COX18: variants seen among roughly 807,000 people sequenced by gnomAD.
COX18 encodes the protein cytochrome c oxidase assembly protein COX18, mitochondrial.
In COX18, 45 loss-of-function variants were observed where a neutral mutation model predicts 38.0. That is an observed-to-expected ratio of 1.18 (90% CI 0.93 to 1.52). COX18 has a LOEUF of 1.52. Among genes scored for constraint, COX18 ranks in the 40% most tolerant of loss-of-function variants. The probability of loss-of-function intolerance (pLI) is 0.00; values close to 1 mark genes in which losing one functional copy is unlikely to be tolerated. For synonymous variants in COX18, 177 were observed against 169.8 expected, an observed-to-expected ratio of 1.04 and a Z score of -0.33; for missense variants, 462 against 423.8, an observed-to-expected ratio of 1.09 and a Z score of -0.79.
rs949935747 is a variant in COX18 at position 73,069,710 on chromosome 4, A to C, written c.-61T>G. The C allele has an allele frequency of 1.1e-5, 16 of 1,484,848 alleles. No individual in the cohort carries two copies. Among genetic ancestry groups the C allele is most frequent in the Admixed American group, 6.0e-5 (3 of 50,202 alleles). The allele number at this position is 1,484,848 out of a possible 1,614,324, so 92.0% of individuals were successfully genotyped here. On this transcript the variant is annotated 5_prime_UTR_variant, in exon 1 of 6. Coordinates refer to ENST00000507544, the MANE Select transcript of COX18 (RefSeq NM_001297732.2). ...ACAATCCAGCGGACATACACCGGCC[A>C]GCCAAGGCTGATACGCGCACGCGCC...
chr4:73,066,401 GAAGC>G (rs1280386938), intron 2 of COX18, among the ~76,000 whole-genome samples: 2 of 152,156 alleles, frequency 1.3e-5, no homozygotes, highest in African/African-American at 4.8e-5. Flanking sequence ...GAAAATGCAG[GAAGC>G]TGGCCAACAC....
At chr4:73,066,261 A>G (rs544735743) in intron 2 of COX18, among the ~76,000 whole-genome samples, 1 of 152,330 alleles carries the variant, frequency 6.6e-6, no homozygotes, top group Non-Finnish European at 1.5e-5. Context: ...ACTTTAGTTC[A>G]TCCAACAAAT....
rs1373764945 is a variant in COX18 at position 73,069,367 on chromosome 4, C to G, written c.283G>C (p.Gly95Arg). Residue 95 changes from glycine (G) to arginine (R), a missense_variant, in exon 1 of 6, where the codon GGT becomes CGT. Gly to Arg is a moderately radical substitution (Grantham distance 125). Transcript: ENST00000507544. ...SILLSTVALRGAVTLPLAAYQ... is the reference protein window; with the variant it reads ...SILLSTVALRRAVTLPLAAYQ... Reference sequence around the variant, plus strand: ...GCTGCCAAAGGCAGCGTGACAGCACCCCGTAAGGCCACGGTGGAGAGCAGA... The same window carrying G: ...GCTGCCAAAGGCAGCGTGACAGCACGCCGTAAGGCCACGGTGGAGAGCAGA... 3.2e-6 allele frequency: 5 copies of G among 1,557,154 alleles called. No homozygotes were observed. In the South Asian group the frequency reaches 3.5e-5, roughly 11 times the overall value.
At chr4:73,059,767 T>A (rs1354357195) in intron 5 of COX18, among the ~76,000 whole-genome samples, 1 of 152,216 alleles carries the variant, frequency 6.6e-6, no homozygotes, top group Non-Finnish European at 1.5e-5. Flanking sequence ...AAATATTGGC[T>A]ATCATCATTA....
intron 5 of COX18, among the ~76,000 whole-genome samples, chr4:73,059,698 C>T (rs531440194): frequency 1.1e-3 from 169 of 152,244 alleles, no homozygotes; most frequent in Middle Eastern, 0.01. Flanking sequence ...GGGACAATTA[C>T]ATGGGGTAAA....
intron 5 of COX18, among the ~76,000 whole-genome samples, chr4:73,060,817 T>C (rs1397023525): frequency 1.3e-5 from 2 of 149,710 alleles, no homozygotes; most frequent in Non-Finnish European, 3.0e-5. Flanking sequence ...GAGGAGGAGG[T>C]TGCAGTGAGC....
At chr4:73,066,360 C>T (rs1425503442) in intron 2 of COX18, among the ~76,000 whole-genome samples, 1 of 152,226 alleles carries the variant, frequency 6.6e-6, no homozygotes, top group Non-Finnish European at 1.5e-5. Flanking sequence ...TCTGACACAC[C>T]GTCTTTTACC....
chr4:73,069,746 G>A (rs549396418), upstream of COX18: 328 of 1,208,638 alleles, frequency 2.7e-4, 2 homozygotes, highest in Non-Finnish European at 3.3e-4. Flanking sequence ...AGCAACAGCG[G>A]GCATAAAGCG....
In COX18 at chr4:73,058,155, T is replaced by C. The variant is rs375993869; in HGVS notation, c.964A>G (p.Ile322Val). Residue 322 changes from isoleucine (I) to valine (V), a missense_variant, in exon 6 of 6, where the codon ATA becomes GTA. Transcript: ENST00000507544. ...AACTTGGTATTAAAGGCAGCAAATA[T>C]GTCTTTATAAGGAGTTTCTGAATCT... ...KSDSETPYKDIFAAFNTKFIS... is the reference protein window; with the variant it reads ...KSDSETPYKDVFAAFNTKFIS... 19 of 1,608,752 alleles carry C rather than the reference T, an allele frequency of 1.2e-5. No homozygotes were observed. In the African/African-American group the frequency reaches 1.5e-4, roughly 12 times the overall value.
Position 73,068,101 on chromosome 4 carries a change from G to A in COX18, c.362C>T (p.Thr121Ile), listed in dbSNP as rs773178375. Residue 121 changes from threonine to isoleucine, a missense_variant, in exon 2 of 6, where the codon ACT (threonine) becomes ATT (isoleucine). Physicochemically the swap from Thr to Ile is moderately conservative, Grantham distance 89. Coordinates refer to ENST00000507544, the MANE Select transcript of COX18 (RefSeq NM_001297732.2). ...KVENLQPEIK[T>I]IARHLNQEVA... ...TTCTTGGTTAAGATGCCTGGCAATA[G>A]TTTTTATTTCTGGCTGCAAATTTTC... The A allele has an allele frequency of 1.5e-5, 24 of 1,607,806 alleles. No homozygotes were observed. The Admixed American group carries it at 4.1e-4, about 27-fold the overall frequency.
At chr4:73,059,734 T>C (rs1241554657) in intron 5 of COX18, among the ~76,000 whole-genome samples, 6 of 152,174 alleles carry the variant, frequency 3.9e-5, no homozygotes, top group African/African-American at 1.4e-4. Flanking sequence ...AAAACAGTGC[T>C]TAGCACAAAG....
At chr4:73,069,243 C>G in intron 1 of COX18, 74 bp downstream of exon 1, 2 of 1,135,818 alleles carry the variant, frequency 1.8e-6, no homozygotes, top group Non-Finnish European at 2.4e-6. Flanking sequence ...GATCGAAAAC[C>G]CTGAGTGAAT....
chr4:73,069,297 C>A lies in COX18; in HGVS notation c.333+20G>T. ...CAGGGGTTGCAGCGCAGGGTACGCG[C>A]ACGGCTCGGCGCCCCTCACCTTGGC... is the stretch of plus-strand genomic sequence containing the variant. On this transcript the variant is annotated intron_variant, in intron 1 of 5. Transcript: ENST00000507544. 6.7e-7 allele frequency: 1 copy of A among 1,483,570 alleles called. No individual in the cohort carries two copies. The highest frequency in any genetic ancestry group is 1.3e-5 in the South Asian group (1 of 75,770). 91.9% of individuals were successfully genotyped at this position (1,483,570 alleles called of 1,614,324 possible). A position where few individuals can be genotyped will look rare whatever the true frequency, so the allele number is the denominator to read the frequency against.
chr4:73,068,210 C>T (rs1560477043), intron 1 of COX18, 81 bp from the exon 2 acceptor site: 12 of 821,256 alleles, frequency 1.5e-5, no homozygotes, highest in South Asian at 1.0e-4. Flanking sequence ...ATTATTCCCT[C>T]GAGTCATTTA....
At position 73,058,088 on chromosome 4, in the gene COX18, C is replaced by A; in HGVS notation, c.*26G>T. 6.7e-7 allele frequency: 1 copy of A among 1,490,288 alleles called. No individual in the cohort carries two copies. Among genetic ancestry groups the A allele is most frequent in the Non-Finnish European group, 9.2e-7 (1 of 1,085,028 alleles). The allele number at this position is 1,490,288 out of a possible 1,614,324, so 92.3% of individuals were successfully genotyped here. A position where few individuals can be genotyped will look rare whatever the true frequency, so the allele number is the denominator to read the frequency against. On this transcript the variant is annotated 3_prime_UTR_variant, in exon 6 of 6. Coordinates refer to ENST00000507544, the MANE Select transcript of COX18 (RefSeq NM_001297732.2). ...ATTTAGATGATAGTGACTCCTGCAA[C>A]TGTTTCAAAATTATTGGAAAATATG...
intron 2 of COX18, among the ~76,000 whole-genome samples, chr4:73,067,070 T>G (rs777620242): frequency 7.2e-5 from 11 of 152,204 alleles, no homozygotes; most frequent in African/African-American, 2.7e-4. Context: ...AGTGAATGAA[T>G]GCAGACATCC....
At position 73,054,989 on chromosome 4, in the gene COX18, C is replaced by T. The variant is rs537960474; in HGVS notation, c.*3125G>A. 2.6e-5 allele frequency: 4 copies of T among 152,148 alleles called. No individual in the cohort carries two copies. The highest frequency in any genetic ancestry group is 6.5e-5 in the Admixed American group (1 of 15,276). 9.4% of individuals were successfully genotyped at this position (152,148 alleles called of 1,614,324 possible). A position where few individuals can be genotyped will look rare whatever the true frequency, so the allele number is the denominator to read the frequency against. ...ATACATATTTCACAATATCATAGCA[C>T]GTTATTTTTTGCGTCTCAGCAAAAG... is the stretch of plus-strand genomic sequence containing the variant. On this transcript the variant is annotated 3_prime_UTR_variant, in exon 6 of 6. Transcript: ENST00000507544.
chr4:73,069,570 G>T lies in COX18; in HGVS notation c.80C>A (p.Pro27Gln), dbSNP rs756757938. ...GCGCTTGGCGCCGCTCGTAGGAACC[G>T]GCGCAAGCGGCAGGTCCCTAGCCCA... is the stretch of plus-strand genomic sequence containing the variant. ...QLWARDLPLA[P>Q]VPTSGAKRPT... is the part of the protein sequence containing the mutation. The change falls in exon 1 of 6, where the codon CCG becomes CAG. Residue 27 changes from proline (P) to glutamine (Q), a missense_variant. Pro to Gln is a moderately conservative substitution (Grantham distance 76, BLOSUM62 -1). Transcript: ENST00000507544. The T allele has an allele frequency of 6.4e-7, 1 of 1,564,426 alleles. No homozygotes were observed. The highest frequency in any genetic ancestry group is 8.7e-7 in the Non-Finnish European group (1 of 1,155,440).
chr4:73,061,784 T>G, intron 5 of COX18, 29 bp downstream of exon 5: 1 of 1,267,244 alleles, frequency 7.9e-7, no homozygotes, highest in Non-Finnish European at 1.2e-6. Context: ...ATTTAGCACA[T>G]GCTACACACA....
Sources: gnomAD v4.1 joint callset for allele counts (sites outside exome capture counted in the v4.1 genomes callset) on GRCh38, gnomAD v4.1.1 for gene constraint, MANE v1.5 for transcripts, NCBI Gene and HGNC (gene_info 2026-07-23, HGNC 2026-07-21) for gene names.